GPR26: variants seen among roughly 807,000 people sequenced by gnomAD.
GPR26 encodes G protein-coupled receptor 26.
Under a neutral mutation model 23.1 loss-of-function variants are expected in GPR26, and 15 were observed. The observed-to-expected ratio is 0.65, with a 90% CI of 0.43 to 1.00. The LOEUF is 1.00. Ranked by LOEUF, GPR26 falls within the 50% of genes least tolerant of loss-of-function variation. The pLI is 0.00. For synonymous variants in GPR26, 228 were observed against 222.1 expected (o/e 1.03, Z -0.24); for missense variants, 359 against 470.5 (o/e 0.76, Z 2.19).
At chr10:123,687,743 T>C (rs1845443750) in intron 2 of GPR26, among the ~76,000 whole-genome samples, 186 bp from the exon 3 acceptor site, 1 of 152,248 alleles carries the variant, frequency 6.6e-6, no homozygotes, top group Non-Finnish European at 1.5e-5. Context: ...AAATACAGCC[T>C]GATGAATGTT....
intron 1 of GPR26, among the ~76,000 whole-genome samples, chr10:123,673,735 T>C (rs1389910587): frequency 6.6e-6 from 1 of 152,138 alleles, no homozygotes; most frequent in Non-Finnish European, 1.5e-5. Context: ...GGAAGAAGCA[T>C]GAAGAAGTGG....
intron 2 of GPR26, among the ~76,000 whole-genome samples, chr10:123,679,584 A>G (rs1845345953): frequency 6.6e-6 from 1 of 151,778 alleles, no homozygotes; most frequent in African/African-American, 2.4e-5. Context: ...ATCCCAACCC[A>G]TTTTACTGCT....
Position 123,695,002 on chromosome 10 carries a change from C to T in GPR26, c.*6842C>T, listed in dbSNP as rs759920012. On this transcript the variant is annotated 3_prime_UTR_variant, in exon 3 of 3. Coordinates refer to ENST00000284674, the MANE Select transcript of GPR26 (RefSeq NM_153442.4). ...GGTCCTGATGGGCACTGCCACATACCCCCAGGACAAACGGAAAAATCCACA... is the reference window on the plus strand; with the variant it reads ...GGTCCTGATGGGCACTGCCACATACTCCCAGGACAAACGGAAAAATCCACA... Among the ~76,000 whole-genome samples the T allele has an allele frequency of 6.6e-6, 1 of 152,114 alleles. No homozygotes were observed. The highest frequency in any genetic ancestry group is 2.1e-4 in the South Asian group (1 of 4,800).
At position 123,688,280 on chromosome 10, in the gene GPR26, T is replaced by G; in HGVS notation, c.*120T>G. The G allele has an allele frequency of 1.5e-6, 1 of 683,316 alleles. No homozygotes were observed. The highest frequency in any genetic ancestry group is 1.8e-5 in the South Asian group (1 of 56,706). The allele number at this position is 683,316 out of a possible 1,614,324, so 42.3% of individuals were successfully genotyped here. On this transcript the variant is annotated 3_prime_UTR_variant, in exon 3 of 3. Transcript: ENST00000284674. ...CAGTCCCTGGCATGCCCAGTGATCC[T>G]GGTTCCCTGGCTTGTAGGGGCTCCA...
chr10:123,672,302 C>T (rs552719965), intron 1 of GPR26, among the ~76,000 whole-genome samples: 11 of 152,240 alleles, frequency 7.2e-5, no homozygotes, highest in South Asian at 4.2e-4. Context: ...GTGGATGAGC[C>T]GACCTTTCAT....
intron 2 of GPR26, among the ~76,000 whole-genome samples, chr10:123,679,040 A>G (rs931108563): frequency 6.6e-6 from 1 of 152,236 alleles, no homozygotes; most frequent in Admixed American, 6.5e-5. Context: ...TGACATTTCC[A>G]GTAGCAATTT....
chr10:123,666,780 C>T lies in GPR26; in HGVS notation c.373C>T (p.Leu125Phe). 6.2e-7 allele frequency: 1 copy of T among 1,605,176 alleles called. No homozygotes were observed. Among genetic ancestry groups the T allele is most frequent in the Non-Finnish European group, 8.5e-7 (1 of 1,177,674 alleles). The change falls in exon 1 of 3, where the codon CTC (leucine) becomes TTC (phenylalanine). Residue 125 changes from leucine to phenylalanine, a missense_variant. By Grantham distance (22) the Leu-to-Phe change is conservative. Transcript: ENST00000284674. ...CAAGATGCGCCTCCGCGACGCGGCG[C>T]TCATGGTGGCCTACACGTGGCTGCA... ...RAKMRLRDAA[L>F]MVAYTWLHAL...
intron 2 of GPR26, among the ~76,000 whole-genome samples, chr10:123,685,205 G>T (rs1199858972): frequency 6.6e-6 from 1 of 152,232 alleles, no homozygotes; most frequent in African/African-American, 2.4e-5. Flanking sequence ...CAAGGAAGGG[G>T]TGAGCAGAGC....
intron 1 of GPR26, among the ~76,000 whole-genome samples, chr10:123,667,623 C>A (rs898961870): frequency 1.3e-4 from 19 of 143,780 alleles, no homozygotes; most frequent in Admixed American, 3.5e-4. Flanking sequence ...ACTCGGGCTG[C>A]GTCCTTCTCT....
At chr10:123,680,918 C>A (rs1489263962) in intron 2 of GPR26, among the ~76,000 whole-genome samples, 2 of 150,478 alleles carry the variant, frequency 1.3e-5, no homozygotes, top group African/African-American at 4.9e-5. Context: ...CAGCTCACTG[C>A]AACGTCCATT....
chr10:123,681,021 T>C (rs962474404), intron 2 of GPR26, among the ~76,000 whole-genome samples: 6 of 151,988 alleles, frequency 3.9e-5, no homozygotes, highest in Admixed American at 2.6e-4. Context: ...ATATTTTTAG[T>C]AGAGATGGGG....
At chr10:123,682,419 C>T (rs1275776947) in intron 2 of GPR26, among the ~76,000 whole-genome samples, 2 of 152,172 alleles carry the variant, frequency 1.3e-5, no homozygotes, top group Non-Finnish European at 2.9e-5. Flanking sequence ...AACATATTTG[C>T]AAAGCTGCAC....
intron 2 of GPR26, among the ~76,000 whole-genome samples, chr10:123,675,833 C>CGCGTGTGTGTGTGTGTGTGT (rs1845302700): frequency 7.5e-6 from 1 of 134,096 alleles, no homozygotes; most frequent in East Asian, 2.3e-4. Context: ...TGTGTGTGTA[C>CGCGTGTGTGTGTGTGTGTGT]GTGTGTGTGT....
intron 2 of GPR26, among the ~76,000 whole-genome samples, chr10:123,684,165 C>A (rs1027815477): frequency 6.6e-6 from 1 of 152,184 alleles, no homozygotes; most frequent in East Asian, 1.9e-4. Context: ...CCTCATGTCC[C>A]AGAGAGCACA....
chr10:123,674,949 G>A lies in GPR26; in HGVS notation c.782+18G>A. 2 of 1,496,464 alleles carry A rather than the reference G, an allele frequency of 1.3e-6. No homozygotes were observed. Among genetic ancestry groups the A allele is most frequent in the Non-Finnish European group, 1.9e-6 (2 of 1,074,878 alleles). The allele number at this position is 1,496,464 out of a possible 1,614,324, so 92.7% of individuals were successfully genotyped here. A position where few individuals can be genotyped will look rare whatever the true frequency, so the allele number is the denominator to read the frequency against. ...ATCACCAGGTGAGCCTGATTGGCAGGTGTGTCTTGGGACTTTGAAGAGTAA... is the reference window on the plus strand; with the variant it reads ...ATCACCAGGTGAGCCTGATTGGCAGATGTGTCTTGGGACTTTGAAGAGTAA... On this transcript the variant is annotated intron_variant, in intron 2 of 2. Transcript: ENST00000284674. The surrounding 1 kb of genome is among the most constrained non-coding windows in gnomAD (Gnocchi z 4.1).
At chr10:123,668,484 T>C (rs1845214019) in intron 1 of GPR26, among the ~76,000 whole-genome samples, 1 of 152,224 alleles carries the variant, frequency 6.6e-6, no homozygotes, top group African/African-American at 2.4e-5. Context: ...TCTCATGTGT[T>C]CACACATAAA....
intron 2 of GPR26, among the ~76,000 whole-genome samples, chr10:123,675,833 CGTGT>C (rs56201657): frequency 0.019 from 2,593 of 134,156 alleles, 39 homozygotes; most frequent in South Asian, 0.061. Context: ...TGTGTGTGTA[CGTGT>C]GTGTGTGTGT....
Position 123,666,979 on chromosome 10 carries a change from C to T in GPR26, c.572C>T (p.Thr191Met). The T allele has an allele frequency of 6.2e-7, 1 of 1,613,730 alleles. No homozygotes were observed. The highest frequency in any genetic ancestry group is 8.5e-7 in the Non-Finnish European group (1 of 1,179,896). ...FLLSFVVLCCTYLKVLKVARF... is the reference protein window; with the variant it reads ...FLLSFVVLCCMYLKVLKVARF... Reference sequence around the variant, plus strand: ...CTCTCCTTCGTCGTGCTCTGCTGCACGTACCTCAAGGTGCTCAAGGTGGCC... The same window carrying T: ...CTCTCCTTCGTCGTGCTCTGCTGCATGTACCTCAAGGTGCTCAAGGTGGCC... The change falls in exon 1 of 3, where the codon ACG becomes ATG. Residue 191 changes from threonine (T) to methionine (M), a missense_variant. Coordinates refer to ENST00000284674, the MANE Select transcript of GPR26 (RefSeq NM_153442.4).
At chr10:123,686,013 G>A (rs1019012438) in intron 2 of GPR26, among the ~76,000 whole-genome samples, 2 of 152,190 alleles carry the variant, frequency 1.3e-5, no homozygotes, top group African/African-American at 4.8e-5. Flanking sequence ...TCTCTGAGAA[G>A]GAAATGCAAT....
Sources: allele counts gnomAD v4.1 joint callset (sites outside exome capture counted in the v4.1 genomes callset), GRCh38; gene constraint gnomAD v4.1.1; non-coding constraint Gnocchi (gnomAD v3.1); transcripts MANE v1.5; gene names NCBI Gene and HGNC (gene_info 2026-07-23, HGNC 2026-07-21).